GDF6: variants seen among roughly 807,000 people sequenced by gnomAD.
The protein encoded by GDF6 is growth differentiation factor 6.
Under a neutral mutation model 32.4 loss-of-function variants are expected in GDF6, and 3 were observed. The observed-to-expected ratio is 0.09, with a 90% confidence interval of 0.04 to 0.24. The LOEUF is 0.24. GDF6 is among the 10% of genes least tolerant of loss of function. GDF6 has a pLI of 1.00. For missense variants in GDF6, 589 were observed against 637.9 expected (o/e 0.92, Z 0.83); for synonymous variants, 296 against 295.3 (o/e 1.00, Z -0.03).
In GDF6 at chr8:96,144,852, T is replaced by G; in HGVS notation, c.1079A>C (p.His360Pro). 6.2e-7 allele frequency: 1 copy of G among 1,614,034 alleles called. No individual in the cohort carries two copies. Among genetic ancestry groups the G allele is most frequent in the African/African-American group, 1.3e-5 (1 of 75,048 alleles). The change falls in exon 2 of 2, where the codon CAC becomes CCC. Residue 360 changes from histidine (H) to proline (P), a missense_variant. By Grantham distance (77) the His-to-Pro change is moderately conservative. Around this residue, in one of 2 missense-constraint regions of GDF6, gnomAD observed 153 missense variants for 226.7 expected, o/e 0.67. Transcript: ENST00000287020. This position sits in a 1 kb window ranked among gnomAD's most constrained non-coding sequence, Gnocchi z 5.1. The part of the protein sequence containing the change: ...SRLRCSKKPL[H>P]VNFKELGWDD... The stretch of plus-strand genomic sequence containing the variant: ...CCAGCCCAGCTCCTTGAAGTTCACG[T>G]GCAGGGGCTTCTTGCTGCAGCGTAG...
Position 96,145,279 on chromosome 8 carries a change from A to C in GDF6, c.652T>G (p.Trp218Gly), listed in dbSNP as rs1812457376. The C allele has an allele frequency of 6.5e-7, 1 of 1,527,860 alleles. No individual in the cohort carries two copies. The highest frequency in any genetic ancestry group is 8.7e-7 in the Non-Finnish European group (1 of 1,143,516). 94.6% of individuals were successfully genotyped at this position (1,527,860 alleles called of 1,614,324 possible). A position where few individuals can be genotyped will look rare whatever the true frequency, so the allele number is the denominator to read the frequency against. ...CAGGGCTGGTGGCGCAGGCCCTGCC[A>C]CACGTCGAAGACTTCCCAGCCGGCC... The part of the protein sequence containing the change: ...PPAGWEVFDV[W>G]QGLRHQPWKQ... The change falls in exon 2 of 2, where the codon TGG becomes GGG. Residue 218 changes from tryptophan to glycine, a missense_variant. Coordinates refer to ENST00000287020, the MANE Select transcript of GDF6 (RefSeq NM_001001557.4). The surrounding 1 kb of genome is among the most constrained non-coding windows in gnomAD (Gnocchi z 5.6).
chr8:96,142,506 A>AT lies in GDF6; in HGVS notation c.*2056_*2057insA, dbSNP rs1168912365. On this transcript the variant is annotated 3_prime_UTR_variant, in exon 2 of 2. Coordinates refer to ENST00000287020, the MANE Select transcript of GDF6 (RefSeq NM_001001557.4). ...AAAACTCTCCATTAGACAGACTTAA[A>AT]ATTTTGTAATAATATTTAAGAAAAT... 1 of 152,582 alleles carries AT rather than the reference A, an allele frequency of 6.6e-6. No individual in the cohort carries two copies. Among genetic ancestry groups the AT allele is most frequent in the Non-Finnish European group, 1.5e-5 (1 of 68,042 alleles). 9.5% of individuals were successfully genotyped at this position (152,582 alleles called of 1,614,324 possible). A position where few individuals can be genotyped will look rare whatever the true frequency, so the allele number is the denominator to read the frequency against.
rs1399835264 is a variant in GDF6, at chr8:96,145,016, C to G, written c.915G>C (p.Pro305=). The change falls in exon 2 of 2, where the codon CCG becomes CCC. Residue 305 remains proline (P), a synonymous_variant. Transcript: ENST00000287020. This position sits in a 1 kb window ranked among gnomAD's most constrained non-coding sequence, Gnocchi z 5.6. Reference sequence around the variant, plus strand: ...GCCACGACCCCTCGGCGCCCGCGCCCGGGCCCGCAGCCTCGGCCGAGCCCA... The same window carrying G: ...GCCACGACCCCTCGGCGCCCGCGCCGGGGCCCGCAGCCTCGGCCGAGCCCA... ...EQLGSAEAAG[P]GAGAEGSWPP... is the part of the protein sequence containing the mutation. The G allele has an allele frequency of 2.1e-6, 3 of 1,398,784 alleles. No homozygotes were observed. The highest frequency in any genetic ancestry group is 3.0e-5 in the African/African-American group (2 of 67,378). 86.6% of individuals were successfully genotyped at this position (1,398,784 alleles called of 1,614,324 possible). A position where few individuals can be genotyped will look rare whatever the true frequency, so the allele number is the denominator to read the frequency against.
intron 1 of GDF6, among the ~76,000 whole-genome samples, chr8:96,152,602 G>C (rs1284235318): frequency 6.6e-6 from 1 of 152,242 alleles, no homozygotes; most frequent in African/African-American, 2.4e-5. Context: ...GCTGCAGCAT[G>C]AGGCCAGGCC....
intron 1 of GDF6, among the ~76,000 whole-genome samples, chr8:96,151,929 A>T (rs570991432): frequency 1.2e-4 from 19 of 152,286 alleles, no homozygotes; most frequent in African/African-American, 4.3e-4. Flanking sequence ...TGTAAAGGTC[A>T]GAGTCAAAGT....
Position 96,144,449 on chromosome 8 carries a change from C to T in GDF6, c.*114G>A, listed in dbSNP as rs1812432077. 8 of 1,323,780 alleles carry T rather than the reference C, an allele frequency of 6.0e-6. No individual in the cohort carries two copies. The highest frequency in any genetic ancestry group is 5.5e-5 in the South Asian group (4 of 72,542). 82.0% of individuals were successfully genotyped at this position (1,323,780 alleles called of 1,614,324 possible). A position where few individuals can be genotyped will look rare whatever the true frequency, so the allele number is the denominator to read the frequency against. On this transcript the variant is annotated 3_prime_UTR_variant, in exon 2 of 2. Coordinates refer to ENST00000287020, the MANE Select transcript of GDF6 (RefSeq NM_001001557.4). The surrounding 1 kb of genome is among the most constrained non-coding windows in gnomAD (Gnocchi z 5.1). Reference sequence around the variant, plus strand: ...TCTCACATCCAGGCTGTTCCCTCACCCTCAGCCTCCCCCAGCGCCAGCTTC... The same window carrying T: ...TCTCACATCCAGGCTGTTCCCTCACTCTCAGCCTCCCCCAGCGCCAGCTTC...
intron 1 of GDF6, among the ~76,000 whole-genome samples, chr8:96,155,675 C>A (rs892647610): frequency 1.2e-4 from 18 of 152,216 alleles, no homozygotes; most frequent in Non-Finnish European, 2.5e-4. Context: ...TAGATTGGAA[C>A]CTTCTGCCCA....
intron 1 of GDF6, among the ~76,000 whole-genome samples, chr8:96,149,745 C>T (rs911818404): frequency 1.3e-5 from 2 of 152,108 alleles, no homozygotes; most frequent in Non-Finnish European, 2.9e-5. Context: ...GAAAACTGGC[C>T]TAGAAAGGAA....
In GDF6 at chr8:96,145,222, A is replaced by C. The variant is rs1036909955; in HGVS notation, c.709T>G (p.Trp237Gly). The C allele has an allele frequency of 1.3e-6, 2 of 1,511,724 alleles. No homozygotes were observed. Among genetic ancestry groups the C allele is most frequent in the Non-Finnish European group, 1.8e-6 (2 of 1,137,512 alleles). The allele number at this position is 1,511,724 out of a possible 1,614,324, so 93.6% of individuals were successfully genotyped here. ...GCCTCCCCGGCGTCCAGCTCGCCCC[A>C]TGCGGCCCGCAGCTCCAAGCACAGC... is the stretch of plus-strand genomic sequence containing the variant. ...KQLCLELRAA[W>G]GELDAGEAEA... The change falls in exon 2 of 2, where the codon TGG (tryptophan) becomes GGG (glycine). Residue 237 changes from tryptophan (W) to glycine (G), a missense_variant. Transcript: ENST00000287020. The surrounding 1 kb of genome is among the most constrained non-coding windows in gnomAD (Gnocchi z 5.6).
chr8:96,145,374 A>T lies in GDF6; in HGVS notation c.557T>A (p.Val186Glu). 6.4e-7 allele frequency: 1 copy of T among 1,567,314 alleles called. No homozygotes were observed. The highest frequency in any genetic ancestry group is 1.1e-5 in the South Asian group (1 of 87,388). The change falls in exon 2 of 2, where the codon GTG (valine) becomes GAG (glutamate). Residue 186 changes from valine (V) to glutamate (E), a missense_variant. Around this residue, in one of 2 missense-constraint regions of GDF6, gnomAD observed 436 missense variants for 411.2 expected, o/e 1.06. Transcript: ENST00000287020. The surrounding 1 kb of genome is among the most constrained non-coding windows in gnomAD (Gnocchi z 5.6). ...PWGPPAGPLH[V>E]QLFPCLSPLL... ...GGGCGAAAGGCAAGGGAAGAGCTGC[A>T]CGTGGAGCGGCCCGGCTGGTGGCCC...
At chr8:96,147,799 G>A (rs539767294) in intron 1 of GDF6, among the ~76,000 whole-genome samples, 1 of 152,326 alleles carries the variant, frequency 6.6e-6, no homozygotes, top group East Asian at 1.9e-4. Flanking sequence ...TATAAGAAAA[G>A]GGGAAAAGAG....
chr8:96,159,654 G>A (rs1415195741), intron 1 of GDF6, among the ~76,000 whole-genome samples: 2 of 152,234 alleles, frequency 1.3e-5, no homozygotes, highest in Non-Finnish European at 2.9e-5. Flanking sequence ...TTGAGGCCTC[G>A]GAGCAGCCGG....
intron 1 of GDF6, among the ~76,000 whole-genome samples, chr8:96,154,264 C>T (rs1213341102): frequency 6.6e-6 from 1 of 152,148 alleles, no homozygotes. Flanking sequence ...GCCGGGGCCA[C>T]TAGCGCCGCC....
Position 96,144,285 on chromosome 8 carries a change from AGAG to A in GDF6, c.*275_*277del, listed in dbSNP as rs1563507979. 6.1e-6 allele frequency: 3 copies of A among 495,330 alleles called. No individual in the cohort carries two copies. The highest frequency in any genetic ancestry group is 2.2e-5 in the African/African-American group (1 of 45,378). The allele number at this position is 495,330 out of a possible 1,614,324, so 30.7% of individuals were successfully genotyped here. ...GAGAGAGAGAGAGAGAGAGAGAGAG[AGAG>A]AGAAAACAGAACAAAAGAAATCCTC... On this transcript the variant is annotated 3_prime_UTR_variant, in exon 2 of 2. Coordinates refer to ENST00000287020, the MANE Select transcript of GDF6 (RefSeq NM_001001557.4). The surrounding 1 kb of genome is among the most constrained non-coding windows in gnomAD (Gnocchi z 5.1).
At position 96,149,896 on chromosome 8, in the gene GDF6, G is replaced by A. The variant is rs190472008; in HGVS notation, c.407-4372C>T. ...GCCCCAAGAGGGCGGCATGAGGGAG[G>A]GACACGTAGCTGCAGGACTCTGTGC... is the stretch of plus-strand genomic sequence containing the variant. On this transcript the variant is annotated intron_variant, in intron 1 of 1. Coordinates refer to ENST00000287020, the MANE Select transcript of GDF6 (RefSeq NM_001001557.4). Among the ~76,000 whole-genome samples, 231 of 152,238 alleles carry A rather than the reference G, an allele frequency of 1.5e-3. 1 individual carries two copies. The highest frequency in any genetic ancestry group is 5.3e-3 in the African/African-American group (219 of 41,540).
In GDF6 at chr8:96,144,341, G is replaced by A. The variant is rs1306358392; in HGVS notation, c.*222C>T. The A allele has an allele frequency of 3.5e-6, 2 of 564,592 alleles. No homozygotes were observed. Among genetic ancestry groups the A allele is most frequent in the East Asian group, 6.1e-5 (2 of 32,548 alleles). The allele number at this position is 564,592 out of a possible 1,614,324, so 35.0% of individuals were successfully genotyped here. The stretch of plus-strand genomic sequence containing the variant: ...TGGCTTGTTTTTCCAGGGTGGCCAG[G>A]CAAGGTGTGAAAATCCATATTTCCC... On this transcript the variant is annotated 3_prime_UTR_variant, in exon 2 of 2. Coordinates refer to ENST00000287020, the MANE Select transcript of GDF6 (RefSeq NM_001001557.4). This position sits in a 1 kb window ranked among gnomAD's most constrained non-coding sequence, Gnocchi z 5.1.
chr8:96,150,093 A>G (rs1321957505), intron 1 of GDF6, among the ~76,000 whole-genome samples: 2 of 152,192 alleles, frequency 1.3e-5, no homozygotes, highest in Non-Finnish European at 2.9e-5. Flanking sequence ...ACTCAGCTTG[A>G]GGTCCCTTTT....
At chr8:96,160,193 G>T in intron 1 of GDF6, 94 bp downstream of exon 1, 1 of 1,221,974 alleles carries the variant, frequency 8.2e-7, no homozygotes, top group Non-Finnish European at 1.2e-6. Flanking sequence ...TCCAGAGCAG[G>T]AAGGGAATTC....
rs182935271 is a variant in GDF6, at chr8:96,147,075, C to T, written c.407-1551G>A. ...CCCCAGAAGCTAGTAAAGTTTGGGTCGATTTCAATAGTAAAAGTGTCACTG... is the reference window on the plus strand; with the variant it reads ...CCCCAGAAGCTAGTAAAGTTTGGGTTGATTTCAATAGTAAAAGTGTCACTG... On this transcript the variant is annotated intron_variant, in intron 1 of 1. Coordinates refer to ENST00000287020, the MANE Select transcript of GDF6 (RefSeq NM_001001557.4). Among the ~76,000 whole-genome samples, 40 of 152,256 alleles carry T rather than the reference C, an allele frequency of 2.6e-4. 1 individual carries two copies. In the East Asian group the frequency reaches 5.4e-3, roughly 21 times the overall value.
Sources: allele counts gnomAD v4.1 joint callset (sites outside exome capture counted in the v4.1 genomes callset), GRCh38; gene constraint gnomAD v4.1.1; regional missense constraint gnomAD v4.1.1; non-coding constraint Gnocchi (gnomAD v3.1); transcripts MANE v1.5; gene names NCBI Gene and HGNC (gene_info 2026-07-23, HGNC 2026-07-21).